Variants in SRRM3 observed in about 807,000 individuals in gnomAD.
The protein encoded by SRRM3 is serine/arginine repetitive matrix 3.
A neutral mutation model predicts 66.2 loss-of-function variants in SRRM3; 27 were observed. That is an observed-to-expected ratio of 0.41 (90% confidence interval 0.30 to 0.56). The LOEUF is 0.56. Among genes scored for constraint, SRRM3 ranks in the 20% least tolerant of loss-of-function variants. The pLI, the probability that SRRM3 is intolerant of heterozygous loss-of-function variation, is 0.32. For missense variants in SRRM3, 918 were observed against 991.9 expected (o/e 0.93, Z 1.00); for synonymous variants, 391 against 414.9 (o/e 0.94, Z 0.70).
intron 2 of SRRM3, among the ~76,000 whole-genome samples, chr7:76,235,580 T>C (rs1801124409): frequency 6.6e-6 from 1 of 152,114 alleles, no homozygotes; most frequent in Non-Finnish European, 1.5e-5. Flanking sequence ...TGCCATTACC[T>C]TTAATGGCAA....
intron 1 of SRRM3, among the ~76,000 whole-genome samples, chr7:76,218,726 T>C (rs972367770): frequency 2.2e-5 from 3 of 135,670 alleles, no homozygotes; most frequent in Admixed American, 1.6e-4. Context: ...TTGCCCAGGC[T>C]GGATTGCAGT....
chr7:76,210,222 G>C (rs1320075337), intron 1 of SRRM3, among the ~76,000 whole-genome samples: 1 of 152,200 alleles, frequency 6.6e-6, no homozygotes, highest in African/African-American at 2.4e-5. Flanking sequence ...CCCCAGGTTA[G>C]AGGAGTGGGC....
chr7:76,245,429 A>G (rs1463407240), intron 2 of SRRM3, among the ~76,000 whole-genome samples: 1 of 152,158 alleles, frequency 6.6e-6, no homozygotes, highest in African/African-American at 2.4e-5. Context: ...GGGTCCAAAA[A>G]TTTTTTAAAA....
chr7:76,204,257 T>C (rs1380384380), intron 1 of SRRM3, among the ~76,000 whole-genome samples: 3 of 152,152 alleles, frequency 2.0e-5, no homozygotes, highest in Non-Finnish European at 4.4e-5. Context: ...GACAAAATCA[T>C]AGCTCTTCCT....
intron 1 of SRRM3, among the ~76,000 whole-genome samples, chr7:76,207,241 C>T (rs1800323541): frequency 6.6e-6 from 1 of 151,778 alleles, no homozygotes; most frequent in Admixed American, 6.6e-5. Flanking sequence ...CTTCAAGGAT[C>T]TAGTGAACTA....
At chr7:76,202,745 A>G (rs1800186615) in intron 1 of SRRM3, among the ~76,000 whole-genome samples, 1 of 152,070 alleles carries the variant, frequency 6.6e-6, no homozygotes, top group Non-Finnish European at 1.5e-5. Flanking sequence ...GCCAGAGTGA[A>G]TTCCTGGTAA....
intron 8 of SRRM3, among the ~76,000 whole-genome samples, chr7:76,263,107 T>A (rs1323884094): frequency 6.6e-6 from 1 of 152,168 alleles, no homozygotes; most frequent in Non-Finnish European, 1.5e-5. Flanking sequence ...TGGATCAGTG[T>A]GGGTCCCTAC....
chr7:76,239,061 T>C (rs538000438), intron 2 of SRRM3, among the ~76,000 whole-genome samples: 1 of 151,432 alleles, frequency 6.6e-6, no homozygotes, highest in South Asian at 2.1e-4. Context: ...AGGCGGAGTT[T>C]CACTCTTGTT....
chr7:76,213,435 T>C (rs1408595034), intron 1 of SRRM3, among the ~76,000 whole-genome samples: 4 of 152,244 alleles, frequency 2.6e-5, no homozygotes, highest in East Asian at 1.9e-4. Context: ...TCGGTCCTAG[T>C]TGGGGAAATG....
At chr7:76,264,427 A>G (rs1485534711) in intron 8 of SRRM3, among the ~76,000 whole-genome samples, 1 of 152,034 alleles carries the variant, frequency 6.6e-6, no homozygotes, top group African/African-American at 2.4e-5. Flanking sequence ...CAGCCTCCCA[A>G]AGTGCTGAGA....
intron 12 of SRRM3, 65 bp downstream of exon 12, chr7:76,281,867 C>CGGATCCCTGCCCACG (rs1402407591): frequency 9.1e-7 from 1 of 1,103,564 alleles, no homozygotes; most frequent in Non-Finnish European, 1.1e-6. Flanking sequence ...CCTCCACTAG[C>CGGATCCCTGCCCACG]GGATCCCTGC....
chr7:76,229,489 C>G (rs1554604069), intron 1 of SRRM3, among the ~76,000 whole-genome samples: 1 of 152,038 alleles, frequency 6.6e-6, no homozygotes. Context: ...GCATTCTGAC[C>G]ACCTGTATAT....
intron 3 of SRRM3, among the ~76,000 whole-genome samples, chr7:76,253,184 A>T (rs1179268632): frequency 1.4e-5 from 2 of 143,358 alleles, no homozygotes; most frequent in African/African-American, 5.2e-5. Flanking sequence ...TACATAAATA[A>T]CATTAAAGAA....
chr7:76,234,931 T>G (rs1554604607), intron 1 of SRRM3, 97 bp from the exon 2 acceptor site: 1 of 715,546 alleles, frequency 1.4e-6, no homozygotes, highest in East Asian at 3.0e-5. Flanking sequence ...GAGCCATGAG[T>G]GTGCCCTTAA....
At chr7:76,258,728 A>AAAAAAG (rs1443420352) in intron 3 of SRRM3, among the ~76,000 whole-genome samples, 6 of 139,324 alleles carry the variant, frequency 4.3e-5, no homozygotes, top group South Asian at 2.2e-4. Context: ...AAAAAAAAAA[A>AAAAAAG]AAAAAGAAAA....
At chr7:76,280,918 C>CCT (rs1554611761) in intron 11 of SRRM3, among the ~76,000 whole-genome samples, 1 of 150,162 alleles carries the variant, frequency 6.7e-6, no homozygotes, top group African/African-American at 2.4e-5. Context: ...TTTCTCTCTT[C>CCT]CTCTCTCTCT....
chr7:76,250,525 C>T (rs2117032334), intron 3 of SRRM3, among the ~76,000 whole-genome samples: 1 of 152,290 alleles, frequency 6.6e-6, no homozygotes, highest in East Asian at 1.9e-4. Context: ...TGAGCCACCA[C>T]ACCCAGTCTT....
At chr7:76,236,981 GGTGGCTCACGGCTGTACCAGCTCAC>G (rs1801168460) in intron 2 of SRRM3, among the ~76,000 whole-genome samples, 1 of 152,134 alleles carries the variant, frequency 6.6e-6, no homozygotes, top group Non-Finnish European at 1.5e-5. Context: ...AGCCAGATTC[GGTGGCTCACGGCTGTACCAGCTCAC>G]GTGGCTCCCG....
At chr7:76,230,005 G>C (rs1356363675) in intron 1 of SRRM3, among the ~76,000 whole-genome samples, 1 of 152,068 alleles carries the variant, frequency 6.6e-6, no homozygotes, top group African/African-American at 2.4e-5. Context: ...GCCTCCCAAA[G>C]TGCTGGGATT....
Sources: gnomAD v4.1 joint callset for allele counts (sites outside exome capture counted in the v4.1 genomes callset) on GRCh38, gnomAD v4.1.1 for gene constraint, MANE v1.5 for transcripts, NCBI Gene and HGNC (gene_info 2026-07-23, HGNC 2026-07-21) for gene names.